The following YKT6 variants were observed in gnomAD, a reference collection of about 807,000 sequenced individuals.
YKT6 encodes synaptobrevin homolog YKT6.
YKT6 carries 12 observed loss-of-function variants against 29.3 expected under a neutral mutation model. The ratio of observed to expected loss-of-function variants is 0.41; its 90% CI spans 0.26 to 0.66. YKT6 has a LOEUF of 0.66. Ranked by LOEUF, YKT6 falls within the 30% of genes least tolerant of loss-of-function variation. The pLI is 0.32. For synonymous variants in YKT6, 86 were observed against 94.3 expected (o/e 0.91, Z 0.51); for missense variants, 188 against 243.8 (o/e 0.77, Z 1.52).
chr7:44,201,251 AG>A lies in YKT6; in HGVS notation c.104+14del. 6.4e-7 allele frequency: 1 copy of A among 1,562,628 alleles called. No individual in the cohort carries two copies. The highest frequency in any genetic ancestry group is 8.7e-7 in the Non-Finnish European group (1 of 1,147,496). On this transcript the variant is annotated intron_variant, in intron 1 of 6. Transcript: ENST00000223369. The stretch of plus-strand genomic sequence containing the variant: ...TTCCAGAGATCCAGGTGAGCGGCAC[AG>A]GCTGGTGGGCCGTGGCGGTCGGGCG...
chr7:44,207,559 A>C (rs1348792399), intron 4 of YKT6, 67 bp downstream of exon 4: 1 of 1,394,582 alleles, frequency 7.2e-7, no homozygotes, highest in African/African-American at 1.4e-5. Flanking sequence ...GAAAAAGCCA[A>C]CTGCCCTGAT....
At chr7:44,207,337 C>G in intron 3 of YKT6, 51 bp from the exon 4 acceptor site, 1 of 1,548,834 alleles carries the variant, frequency 6.5e-7, no homozygotes, top group Non-Finnish European at 8.9e-7. Flanking sequence ...GTCATTGAGA[C>G]CACTGGTGAG....
At chr7:44,206,935 A>G (rs2075068) in intron 3 of YKT6, among the ~76,000 whole-genome samples, 8,275 of 152,248 alleles carry the variant, frequency 0.054, 291 homozygotes, top group East Asian at 0.085. Context: ...AATTACTAAT[A>G]TTAACTCTTT....
At chr7:44,203,913 G>A (rs1171689828) in intron 1 of YKT6, among the ~76,000 whole-genome samples, 1 of 152,150 alleles carries the variant, frequency 6.6e-6, no homozygotes, top group Admixed American at 6.5e-5. Flanking sequence ...CATCTCCTGT[G>A]ACTGTTCTGT....
chr7:44,207,168 T>G (rs1472115257), intron 3 of YKT6, among the ~76,000 whole-genome samples: 1 of 152,212 alleles, frequency 6.6e-6, no homozygotes, highest in East Asian at 1.9e-4. Context: ...ATACTTTTGA[T>G]TCTCAGAATA....
At chr7:44,205,995 C>T (rs964369689) in intron 2 of YKT6, among the ~76,000 whole-genome samples, 1 of 152,130 alleles carries the variant, frequency 6.6e-6, no homozygotes, top group Non-Finnish European at 1.5e-5. Flanking sequence ...TCCAGGGTTC[C>T]CTAAGTTTGG....
rs76361391 is a variant in YKT6 at position 44,204,038 on chromosome 7, A to C, written c.105-530A>C. On this transcript the variant is annotated intron_variant, in intron 1 of 6. Coordinates refer to ENST00000223369, the MANE Select transcript of YKT6 (RefSeq NM_006555.4). ...GCAGTTTTCCTTTTGTTCCATCCAG[A>C]GTGTCTTGCGCTCGTTCTGTGGACG... Among the ~76,000 whole-genome samples the C allele has an allele frequency of 7.5e-3, 1,138 of 152,232 alleles. 4 individuals are homozygous for C. Among genetic ancestry groups the C allele is most frequent in the Non-Finnish European group, 0.012 (805 of 68,020 alleles).
intron 5 of YKT6, chr7:44,208,543 G>A (rs1583648613): frequency 6.5e-6 from 2 of 309,650 alleles, no homozygotes; most frequent in East Asian, 1.5e-4. Flanking sequence ...TTAGGGTTTC[G>A]GGTGCCTCCA....
In YKT6 at chr7:44,201,051, G is replaced by T. The variant is rs2096334783; in HGVS notation, c.-85G>T. On this transcript the variant is annotated 5_prime_UTR_variant, in exon 1 of 7. Transcript: ENST00000223369. The stretch of plus-strand genomic sequence containing the variant: ...GGCTGCTGAGAGGCCGGTAGGCGGC[G>T]GCGGTCCCGAGGGGCGGCGGCCGCG... The T allele has an allele frequency of 8.4e-7, 1 of 1,195,812 alleles. No homozygotes were observed. The highest frequency in any genetic ancestry group is 1.6e-5 in the African/African-American group (1 of 61,816). The allele number at this position is 1,195,812 out of a possible 1,614,324, so 74.1% of individuals were successfully genotyped here. A position where few individuals can be genotyped will look rare whatever the true frequency, so the allele number is the denominator to read the frequency against.
Position 44,214,284 on chromosome 7 carries a change from T to C in YKT6, c.*2002T>C, listed in dbSNP as rs1221393280. The stretch of plus-strand genomic sequence containing the variant: ...AGGCGCCTGTCTGGATAAAGTTGTC[T>C]TGAAATTTCACAGTGGTCCTGTGCT... On this transcript the variant is annotated 3_prime_UTR_variant, in exon 7 of 7. Coordinates refer to ENST00000223369, the MANE Select transcript of YKT6 (RefSeq NM_006555.4). 1 of 152,218 alleles carries C rather than the reference T, an allele frequency of 6.6e-6. No homozygotes were observed. Among genetic ancestry groups the C allele is most frequent in the East Asian group, 1.9e-4 (1 of 5,196 alleles). 9.4% of individuals were successfully genotyped at this position (152,218 alleles called of 1,614,324 possible). A position where few individuals can be genotyped will look rare whatever the true frequency, so the allele number is the denominator to read the frequency against.
At chr7:44,201,765 G>A (rs1050636590) in intron 1 of YKT6, among the ~76,000 whole-genome samples, 1 of 152,170 alleles carries the variant, frequency 6.6e-6, no homozygotes, top group African/African-American at 2.4e-5. Flanking sequence ...TTCTTGCGGG[G>A]CTTCCCAACA....
At chr7:44,206,196 G>A (rs1313811458) in intron 2 of YKT6, among the ~76,000 whole-genome samples, 189 bp from the exon 3 acceptor site, 4 of 152,182 alleles carry the variant, frequency 2.6e-5, no homozygotes, top group East Asian at 1.9e-4. Flanking sequence ...TAAAGCAGGC[G>A]TTGGGCCAAG....
At chr7:44,207,266 T>G in intron 3 of YKT6, 122 bp from the exon 4 acceptor site, 1 of 713,998 alleles carries the variant, frequency 1.4e-6, no homozygotes, top group Non-Finnish European at 2.4e-6. Flanking sequence ...TCATTCCTCC[T>G]TCCTGGGCTG....
chr7:44,205,745 G>A (rs1417153918), intron 2 of YKT6, among the ~76,000 whole-genome samples: 1 of 152,142 alleles, frequency 6.6e-6, no homozygotes, highest in Non-Finnish European at 1.5e-5. Flanking sequence ...AATATTTTGC[G>A]GAAGACCTGT....
rs534477508 is a variant in YKT6, at chr7:44,204,455, G to A, written c.105-113G>A. On this transcript the variant is annotated intron_variant, in intron 1 of 6. Coordinates refer to ENST00000223369, the MANE Select transcript of YKT6 (RefSeq NM_006555.4). ...TTGTTACTAGGGATGGGAGGGAAAGGAATGAAACCAAGAAGCAATGTCTAC... is the reference window on the plus strand; with the variant it reads ...TTGTTACTAGGGATGGGAGGGAAAGAAATGAAACCAAGAAGCAATGTCTAC... 301 of 907,878 alleles carry A rather than the reference G, an allele frequency of 3.3e-4. 1 individual carries two copies. The highest frequency in any genetic ancestry group is 1.2e-3 in the Admixed American group (51 of 41,938). The allele number at this position is 907,878 out of a possible 1,614,324, so 56.2% of individuals were successfully genotyped here.
chr7:44,201,392 T>A (rs1270557154), intron 1 of YKT6, among the ~76,000 whole-genome samples, 153 bp downstream of exon 1: 1 of 132,298 alleles, frequency 7.6e-6, no homozygotes, highest in African/African-American at 2.9e-5. Context: ...GTGCCCGGGG[T>A]CTGAGAAGGC....
chr7:44,203,117 G>T (rs2096337520), intron 1 of YKT6, among the ~76,000 whole-genome samples: 2 of 152,062 alleles, frequency 1.3e-5, no homozygotes, highest in African/African-American at 4.8e-5. Flanking sequence ...TATTTTAGAT[G>T]GAGTCTTGCT....
chr7:44,208,449 C>T (rs1583648540), intron 5 of YKT6: 2 of 457,258 alleles, frequency 4.4e-6, no homozygotes, highest in East Asian at 4.0e-5. Flanking sequence ...GTCTCCCTTC[C>T]TCATGGCTAC....
In YKT6 at chr7:44,212,526, CCAT is replaced by C. The variant is rs2096347959; in HGVS notation, c.*245_*247del. The C allele has an allele frequency of 1.0e-5, 5 of 496,094 alleles. No homozygotes were observed. Among genetic ancestry groups the C allele is most frequent in the Non-Finnish European group, 1.4e-5 (4 of 282,250 alleles). 30.7% of individuals were successfully genotyped at this position (496,094 alleles called of 1,614,324 possible). On this transcript the variant is annotated 3_prime_UTR_variant, in exon 7 of 7. Transcript: ENST00000223369. ...AAGGTGTATTTTTGGGCAAATGAAA[CCAT>C]AAACTCCGACTGGCTTCTGTAGATG...
Sources: gnomAD v4.1 joint callset for allele counts (sites outside exome capture counted in the v4.1 genomes callset) on GRCh38, gnomAD v4.1.1 for gene constraint, MANE v1.5 for transcripts, NCBI Gene and HGNC (gene_info 2026-07-23, HGNC 2026-07-21) for gene names.